ZNF385D: variants seen among roughly 807,000 people sequenced by gnomAD.
ZNF385D encodes the protein zinc finger protein 385D, also known as zinc finger protein 659.
A neutral mutation model predicts 35.8 loss-of-function variants in ZNF385D; 15 were observed. The ratio of observed to expected loss-of-function variants is 0.42; its 90% CI spans 0.28 to 0.64. ZNF385D has a LOEUF of 0.64. ZNF385D is among the 30% of genes least tolerant of loss of function. The pLI is 0.23. For missense variants in ZNF385D, 474 were observed against 494.6 expected, an observed-to-expected ratio of 0.96 and a Z score of 0.39; for synonymous variants, 212 against 186.8, an observed-to-expected ratio of 1.13 and a Z score of -1.10.
intron 3 of ZNF385D, among the ~76,000 whole-genome samples, chr3:21,796,364 A>T (rs1025853150): frequency 4.6e-5 from 7 of 152,206 alleles, no homozygotes; most frequent in Non-Finnish European, 8.8e-5. Context: ...TATCTCTCAT[A>T]AATATAAATG....
intron 3 of ZNF385D, among the ~76,000 whole-genome samples, chr3:21,530,041 T>C (rs996730030): frequency 6.6e-6 from 1 of 152,024 alleles, no homozygotes; most frequent in Non-Finnish European, 1.5e-5. Flanking sequence ...GGGTGACTTA[T>C]TACTCTATTA....
At chr3:22,023,748 C>G (rs1339709505) in intron 3 of ZNF385D, among the ~76,000 whole-genome samples, 1 of 151,866 alleles carries the variant, frequency 6.6e-6, no homozygotes, top group Non-Finnish European at 1.5e-5. Context: ...CAGGTCAAGT[C>G]ATGTAGATCC....
intron 3 of ZNF385D, among the ~76,000 whole-genome samples, chr3:21,542,345 CTT>C (rs34925669): frequency 7.0e-6 from 1 of 142,988 alleles, no homozygotes. Flanking sequence ...TCTTCTCTTT[CTT>C]TTTTTTTTTT....
chr3:22,197,425 CT>C (rs1696492247), intron 2 of ZNF385D, among the ~76,000 whole-genome samples: 1 of 152,006 alleles, frequency 6.6e-6, no homozygotes, highest in East Asian at 1.9e-4. Flanking sequence ...TTGTTTACAG[CT>C]CATGAAATCT....
rs147839892 is a variant in ZNF385D at position 22,327,322 on chromosome 3, G to T, written c.106+45128C>A. On this transcript the variant is annotated intron_variant, in intron 2 of 5. Transcript: ENST00000494108. ...TTTTGGGATACTTTCTGTAAAATAA[G>T]AAATGTAAATTTTCTAAATTAAACT... Among the ~76,000 whole-genome samples, 145 of 152,100 alleles carry T rather than the reference G, an allele frequency of 9.5e-4. 1 individual carries two copies. Among genetic ancestry groups the T allele is most frequent in the African/African-American group, 3.4e-3 (139 of 41,476 alleles).
At chr3:21,922,426 G>T (rs754377743) in intron 3 of ZNF385D, among the ~76,000 whole-genome samples, 16 of 152,086 alleles carry the variant, frequency 1.1e-4, no homozygotes, top group Non-Finnish European at 1.9e-4. Context: ...TCATGGTACT[G>T]GTACAAAAGC....
chr3:22,009,238 A>G (rs563274463), intron 3 of ZNF385D, among the ~76,000 whole-genome samples: 2 of 152,210 alleles, frequency 1.3e-5, no homozygotes, highest in East Asian at 3.9e-4. Context: ...TGAAACAGAG[A>G]AAAATTGTAA....
chr3:22,295,795 G>A (rs529551054), intron 2 of ZNF385D, among the ~76,000 whole-genome samples: 1 of 152,030 alleles, frequency 6.6e-6, no homozygotes, highest in Non-Finnish European at 1.5e-5. Flanking sequence ...AGTAACAACT[G>A]ATAAACTATA....
chr3:21,751,509 G>A (rs34599430), upstream of ZNF385D: 502,790 of 938,410 alleles, frequency 0.54, 135,725 homozygotes, highest in South Asian at 0.63. Context: ...CGCCCCTCCT[G>A]TGAATGCCAC....
intron 3 of ZNF385D, among the ~76,000 whole-genome samples, chr3:21,983,498 C>A (rs1172464487): frequency 2.3e-5 from 3 of 132,856 alleles, no homozygotes; most frequent in Non-Finnish European, 4.9e-5. Context: ...ATGAACTCAT[C>A]ATTTTTTATG....
At chr3:22,245,008 T>A (rs1699697495) in intron 2 of ZNF385D, among the ~76,000 whole-genome samples, 1 of 152,044 alleles carries the variant, frequency 6.6e-6, no homozygotes, top group Admixed American at 6.6e-5. Context: ...TGCTCTTGCA[T>A]CAGAATTGCC....
intron 3 of ZNF385D, among the ~76,000 whole-genome samples, chr3:21,950,179 T>A (rs915489239): frequency 6.6e-6 from 1 of 151,828 alleles, no homozygotes; most frequent in African/African-American, 2.4e-5. Flanking sequence ...ACCAACAGTG[T>A]AAAAGTGTTC....
At chr3:22,316,387 A>G (rs934250667) in intron 2 of ZNF385D, among the ~76,000 whole-genome samples, 1 of 152,228 alleles carries the variant, frequency 6.6e-6, no homozygotes, top group African/African-American at 2.4e-5. Context: ...AATTAATAAT[A>G]AAGTAGGTCT....
At chr3:21,447,561 T>C (rs1559455757) in intron 4 of ZNF385D, among the ~76,000 whole-genome samples, 1 of 152,222 alleles carries the variant, frequency 6.6e-6, no homozygotes, top group African/African-American at 2.4e-5. Context: ...GTTTAACATA[T>C]GTAGTAATGG....
intron 3 of ZNF385D, among the ~76,000 whole-genome samples, chr3:21,953,020 T>C (rs971256678): frequency 1.3e-5 from 2 of 151,976 alleles, no homozygotes. Flanking sequence ...AAATCAAGAT[T>C]GCAGGTATCT....
intron 4 of ZNF385D, among the ~76,000 whole-genome samples, chr3:21,462,773 G>A (rs939106034): frequency 6.6e-6 from 1 of 152,180 alleles, no homozygotes; most frequent in Non-Finnish European, 1.5e-5. Context: ...CCTGAGGTCA[G>A]GAGTTCGAGA....
At chr3:22,278,167 CAAG>C (rs956154020) in intron 2 of ZNF385D, among the ~76,000 whole-genome samples, 5 of 152,160 alleles carry the variant, frequency 3.3e-5, no homozygotes, top group South Asian at 2.1e-4. Flanking sequence ...ACAACAGTAT[CAAG>C]AAGAGAGGCA....
At chr3:21,971,121 G>A (rs1703228187) in intron 3 of ZNF385D, among the ~76,000 whole-genome samples, 1 of 152,004 alleles carries the variant, frequency 6.6e-6, no homozygotes, top group Non-Finnish European at 1.5e-5. Context: ...GAAATCATCT[G>A]AAGGTACAAA....
At chr3:21,732,979 T>C (rs982620430) in intron 1 of ZNF385D, among the ~76,000 whole-genome samples, 3 of 152,206 alleles carry the variant, frequency 2.0e-5, no homozygotes, top group Admixed American at 1.3e-4. Context: ...CAAGGTCCTC[T>C]AGATTTTCTT....
Sources: gnomAD v4.1 joint callset for allele counts (sites outside exome capture counted in the v4.1 genomes callset) on GRCh38, gnomAD v4.1.1 for gene constraint, MANE v1.5 for transcripts, NCBI Gene and HGNC (gene_info 2026-07-23, HGNC 2026-07-21) for gene names.